Variants in CSMD2 observed in about 807,000 individuals in gnomAD.
CSMD2 encodes CUB and sushi domain-containing protein 2.
A neutral mutation model predicts 398.5 loss-of-function variants in CSMD2; 130 were observed. The observed-to-expected ratio is 0.33, with a 90% CI of 0.28 to 0.38. The LOEUF is 0.38. Among genes scored for constraint, CSMD2 ranks in the 10% least tolerant of loss-of-function variants. The pLI, the probability that CSMD2 is intolerant of heterozygous loss-of-function variation, is 1.00. For synonymous variants in CSMD2, 1,828 were observed against 1,908.5 expected (o/e 0.96, Z 1.10); for missense variants, 3,829 against 4,764.9 (o/e 0.80, Z 5.78).
intron 5 of CSMD2, among the ~76,000 whole-genome samples, chr1:33,913,189 G>A (rs1006298188): frequency 2.6e-5 from 4 of 152,166 alleles, no homozygotes; most frequent in Non-Finnish European, 4.4e-5. Context: ...TCCATAATGT[G>A]CTTGCCAAGT....
chr1:33,838,705 T>C (rs1557983216), intron 6 of CSMD2: 1 of 152,262 alleles, frequency 6.6e-6, no homozygotes, highest in African/African-American at 2.4e-5. Context: ...GGAAGAACAG[T>C]GATTCCTGAA....
intron 3 of CSMD2, among the ~76,000 whole-genome samples, chr1:33,987,091 A>G (rs1025931547): frequency 6.6e-6 from 1 of 152,164 alleles, no homozygotes; most frequent in Non-Finnish European, 1.5e-5. Context: ...TCAAGTAGCC[A>G]ATGAATGCAC....
At chr1:34,060,319 C>T (rs1654327206) in intron 2 of CSMD2, among the ~76,000 whole-genome samples, 1 of 152,186 alleles carries the variant, frequency 6.6e-6, no homozygotes, top group Non-Finnish European at 1.5e-5. Flanking sequence ...ATCAGTGGTT[C>T]TTTCTGGGTG....
intron 6 of CSMD2, among the ~76,000 whole-genome samples, chr1:33,835,876 CT>C (rs1660193307): frequency 6.6e-6 from 1 of 152,134 alleles, no homozygotes; most frequent in Non-Finnish European, 1.5e-5. Context: ...CAAAGTCATT[CT>C]CTGTCCAGCT....
At chr1:33,659,145 G>A (rs1192029533) in intron 26 of CSMD2, among the ~76,000 whole-genome samples, 4 of 152,220 alleles carry the variant, frequency 2.6e-5, no homozygotes, top group Admixed American at 1.3e-4. Flanking sequence ...AATTTGCGAC[G>A]TCTTCGTGTC....
intron 15 of CSMD2, among the ~76,000 whole-genome samples, chr1:33,737,329 C>T (rs979764789): frequency 5.3e-5 from 8 of 152,144 alleles, no homozygotes; most frequent in East Asian, 1.9e-4. Context: ...ATTCATGTCA[C>T]GGTTGGGGCA....
chr1:33,685,562 T>A (rs1277954758), intron 25 of CSMD2, among the ~76,000 whole-genome samples: 2 of 152,194 alleles, frequency 1.3e-5, no homozygotes, highest in African/African-American at 4.8e-5. Context: ...GTCTTGGCCT[T>A]CAGTGTGTAA....
chr1:33,620,608 A>G (rs114677803), intron 37 of CSMD2, among the ~76,000 whole-genome samples: 3,381 of 152,274 alleles, frequency 0.022, 119 homozygotes, highest in African/African-American at 0.075. Flanking sequence ...GGAACATTTA[A>G]GAGCTCAAAA....
intron 1 of CSMD2, among the ~76,000 whole-genome samples, chr1:34,107,331 C>T (rs1660619435): frequency 6.6e-6 from 1 of 152,170 alleles, no homozygotes; most frequent in African/African-American, 2.4e-5. Flanking sequence ...CCAGTGAGTG[C>T]TTCCTGCCCT....
At chr1:34,028,833 G>T (rs1269166429) in intron 3 of CSMD2, among the ~76,000 whole-genome samples, 4 of 152,190 alleles carry the variant, frequency 2.6e-5, no homozygotes, top group Admixed American at 2.6e-4. Flanking sequence ...TGCCCCCGGG[G>T]ATTACAAACC....
chr1:34,066,037 T>C (rs1472971666), intron 2 of CSMD2, among the ~76,000 whole-genome samples: 1 of 152,182 alleles, frequency 6.6e-6, no homozygotes, highest in African/African-American at 2.4e-5. Flanking sequence ...TGTGTGACCG[T>C]AGGAAGACAC....
At chr1:33,872,163 T>C (rs1219592362) in intron 5 of CSMD2, among the ~76,000 whole-genome samples, 1 of 152,154 alleles carries the variant, frequency 6.6e-6, no homozygotes, top group Non-Finnish European at 1.5e-5. Flanking sequence ...TGCAGTTACA[T>C]GGAAAGCAAA....
chr1:33,803,682 C>T (rs992743624), intron 10 of CSMD2, among the ~76,000 whole-genome samples: 1 of 152,198 alleles, frequency 6.6e-6, no homozygotes, highest in African/African-American at 2.4e-5. Context: ...ATCTGTTTTC[C>T]CCTCCACATT....
intron 10 of CSMD2, among the ~76,000 whole-genome samples, chr1:33,801,038 G>A (rs1216618304): frequency 6.6e-6 from 1 of 152,160 alleles, no homozygotes; most frequent in East Asian, 1.9e-4. Flanking sequence ...CACCTGCCTG[G>A]AGAATTAATT....
chr1:34,031,575 G>A (rs1650421988), intron 3 of CSMD2, among the ~76,000 whole-genome samples: 1 of 151,868 alleles, frequency 6.6e-6, no homozygotes. Context: ...AGTTGCTCAG[G>A]TTAAAGCATC....
chr1:33,536,851 G>A (rs185024869), intron 62 of CSMD2, among the ~76,000 whole-genome samples, 171 bp downstream of exon 62: 265 of 152,320 alleles, frequency 1.7e-3, no homozygotes, highest in African/African-American at 6.2e-3. Flanking sequence ...TGTCTCTGCA[G>A]GGTGCTCCCA....
chr1:33,644,707 G>A (rs567935964), intron 29 of CSMD2, among the ~76,000 whole-genome samples: 2 of 152,292 alleles, frequency 1.3e-5, no homozygotes, highest in Admixed American at 1.3e-4. Flanking sequence ...GTGATGATAT[G>A]GCAGTGGGGA....
chr1:33,636,554 T>C lies in CSMD2; in HGVS notation c.4775A>G (p.Glu1592Gly). The C allele has an allele frequency of 6.2e-7, 1 of 1,613,654 alleles. No individual in the cohort carries two copies. Among genetic ancestry groups the C allele is most frequent in the Non-Finnish European group, 8.5e-7 (1 of 1,179,648 alleles). The change falls in exon 30 of 71, where the codon GAA (glutamate) becomes GGA (glycine). Residue 1592 changes from glutamate to glycine, a missense_variant and splice_region_variant. Transcript: ENST00000373381. This position sits in a 1 kb window ranked among gnomAD's most constrained non-coding sequence, Gnocchi z 4.8. ...ATCAAAACATGACTCCCGCGGGTTTTCTGGGAAAAAGAAATACAAACACGT... is the reference window on the plus strand; with the variant it reads ...ATCAAAACATGACTCCCGCGGGTTTCCTGGGAAAAAGAAATACAAACACGT... ...SNAGFVIDYT[E>G]NPRESCFDPG...
At chr1:34,138,127 T>A (rs1324836410) in intron 1 of CSMD2, among the ~76,000 whole-genome samples, 2 of 152,210 alleles carry the variant, frequency 1.3e-5, no homozygotes, top group Non-Finnish European at 2.9e-5. Flanking sequence ...TGTCAGGTGC[T>A]GGCTAAACAA....
Sources: allele counts gnomAD v4.1 joint callset (sites outside exome capture counted in the v4.1 genomes callset), GRCh38; gene constraint gnomAD v4.1.1; non-coding constraint Gnocchi (gnomAD v3.1); transcripts MANE v1.5; gene names NCBI Gene and HGNC (gene_info 2026-07-23, HGNC 2026-07-21).